Variants in MTMR8 observed in about 807,000 individuals in gnomAD.
The protein encoded by MTMR8 is phosphatidylinositol-3,5-bisphosphate 3-phosphatase MTMR8.
A neutral mutation model predicts 39.3 loss-of-function variants in MTMR8; 65 were observed. That is an observed-to-expected ratio of 1.65 (90% CI 1.35 to 2.03). MTMR8 has a LOEUF of 2.03. Among genes scored for constraint, MTMR8 ranks in the 30% most tolerant of loss-of-function variants. The probability of loss-of-function intolerance (pLI) is 0.00; values close to 1 mark genes in which losing one functional copy is unlikely to be tolerated. For missense variants in MTMR8, 777 were observed against 538.9 expected, an observed-to-expected ratio of 1.44 and a Z score of -4.37; for synonymous variants, 245 against 185.2, an observed-to-expected ratio of 1.32 and a Z score of -2.62.
chrX:64,283,544 C>A (rs1921040064), intron 12 of MTMR8, among the ~76,000 whole-genome samples: 1 of 112,257 alleles, frequency 8.9e-6, no homozygotes, highest in Non-Finnish European at 1.9e-5. Context: ...GGTCCCTGAT[C>A]CCAGAATAGC....
intron 1 of MTMR8, among the ~76,000 whole-genome samples, chrX:64,386,860 A>G (rs1205866047): frequency 4.6e-5 from 5 of 109,197 alleles, no homozygotes; most frequent in Admixed American, 9.7e-5. Context: ...CCTGGGCAAC[A>G]TAGTGAGACC....
chrX:64,326,169 G>T (rs73522800), intron 12 of MTMR8, among the ~76,000 whole-genome samples: 161 of 111,511 alleles, frequency 1.4e-3, no homozygotes, highest in African/African-American at 4.9e-3. Context: ...TCATCTTTGT[G>T]TTGAGTAGGC....
chrX:64,359,219 G>A (rs1251784811), intron 2 of MTMR8, among the ~76,000 whole-genome samples, 186 bp downstream of exon 2: 2 of 110,532 alleles, frequency 1.8e-5, no homozygotes, highest in East Asian at 5.7e-4. Context: ...GATGACCAGA[G>A]CCAATAACTT....
chrX:64,326,888 A>G (rs937247601), intron 12 of MTMR8, among the ~76,000 whole-genome samples: 5 of 111,291 alleles, frequency 4.5e-5, no homozygotes, highest in Admixed American at 1.9e-4. Flanking sequence ...AGCCCAGAAA[A>G]AAAATGCATA....
intron 12 of MTMR8, among the ~76,000 whole-genome samples, chrX:64,328,227 T>TA: frequency 9.0e-6 from 1 of 111,651 alleles, no homozygotes; most frequent in South Asian, 3.7e-4. Flanking sequence ...GGCAAGGAAA[T>TA]AAAAGACATC....
intron 1 of MTMR8, among the ~76,000 whole-genome samples, chrX:64,382,779 A>AT (rs1924462436): frequency 9.0e-6 from 1 of 111,422 alleles, no homozygotes; most frequent in African/African-American, 3.3e-5. Flanking sequence ...ATACAGAATT[A>AT]TTTTTAAAAA....
chrX:64,340,464 A>G (rs1923186191), intron 8 of MTMR8, among the ~76,000 whole-genome samples: 1 of 111,022 alleles, frequency 9.0e-6, no homozygotes, highest in African/African-American at 3.3e-5. Context: ...GCTAAATGAA[A>G]TAGATCTGAA....
chrX:64,286,725 C>A (rs1015185826), intron 12 of MTMR8, among the ~76,000 whole-genome samples: 1 of 111,641 alleles, frequency 9.0e-6, no homozygotes, highest in Admixed American at 9.6e-5. Flanking sequence ...ATGATTATCT[C>A]AATAGATGCA....
At chrX:64,347,800 G>T (rs954810294) in intron 6 of MTMR8, among the ~76,000 whole-genome samples, 1 of 112,367 alleles carries the variant, frequency 8.9e-6, no homozygotes, top group Non-Finnish European at 1.9e-5. Flanking sequence ...GACACAATGA[G>T]TTCTTCTACA....
intron 8 of MTMR8, among the ~76,000 whole-genome samples, chrX:64,339,664 G>A (rs1053074037): frequency 6.3e-5 from 7 of 111,092 alleles, no homozygotes; most frequent in Admixed American, 5.7e-4. Context: ...GAAAAGAATA[G>A]GTTGAAAATG....
chrX:64,268,968 G>C lies in MTMR8; in HGVS notation c.1684C>G (p.Leu562Val), dbSNP rs1931695052. The C allele has an allele frequency of 8.3e-7, 1 of 1,209,905 alleles. No individual in the cohort carries two copies. The change falls in exon 14 of 14, where the codon CTG becomes GTG. Residue 562 changes from leucine to valine, a missense_variant. Physicochemically the swap from Leu to Val is conservative, Grantham distance 32. Transcript: ENST00000374852. ...SQLGNILSQH[L>V]GSPLTNPLGF... ...AGAGGATTGGTCAAAGGACTTCCCA[G>C]ATGCTGGGATAATATGTTTCCTAAT...
At chrX:64,269,394 A>T (rs1931705872) in intron 13 of MTMR8, among the ~76,000 whole-genome samples, 1 of 111,647 alleles carries the variant, frequency 9.0e-6, no homozygotes, top group Non-Finnish European at 1.9e-5. Context: ...CCTTATAATA[A>T]ACCTATTAGT....
chrX:64,350,121 TATAAC>T, intron 4 of MTMR8, 51 bp from the exon 5 acceptor site: 2 of 733,352 alleles, frequency 2.7e-6, no homozygotes, highest in Non-Finnish European at 1.7e-6. Flanking sequence ...TACATTTATA[TATAAC>T]TGTCTCTTTG....
intron 12 of MTMR8, among the ~76,000 whole-genome samples, chrX:64,294,598 G>A (rs1411110256): frequency 9.0e-6 from 1 of 111,671 alleles, no homozygotes; most frequent in Non-Finnish European, 1.9e-5. Flanking sequence ...TAAATTGGGT[G>A]GCTTATAAAC....
At chrX:64,379,939 T>A (rs138982804) in intron 1 of MTMR8, among the ~76,000 whole-genome samples, 125 of 111,449 alleles carry the variant, frequency 1.1e-3, no homozygotes, top group African/African-American at 4.0e-3. Context: ...AAAATCAGTG[T>A]CATACCACTA....
intron 1 of MTMR8, among the ~76,000 whole-genome samples, chrX:64,383,100 T>C (rs1377433328): frequency 1.8e-5 from 2 of 111,699 alleles, no homozygotes; most frequent in East Asian, 5.6e-4. Context: ...CATATTTCAT[T>C]TGAGTCCTTA....
rs562085368 is a variant in MTMR8, at chrX:64,295,266, T to C, written c.1482-24193A>G. On this transcript the variant is annotated intron_variant, in intron 12 of 13. Transcript: ENST00000374852. ...CACACACACACACACACACACAAAA[T>C]TGTTTCCTAGATTCTCTTGAGGTAA... Among the ~76,000 whole-genome samples, 36 of 110,486 alleles carry C rather than the reference T, an allele frequency of 3.3e-4. No homozygotes were observed. The South Asian group carries it at 0.011, about 33-fold the overall frequency.
intron 12 of MTMR8, among the ~76,000 whole-genome samples, chrX:64,297,925 T>C (rs1337728573): frequency 2.0e-5 from 2 of 98,984 alleles, no homozygotes; most frequent in Non-Finnish European, 4.1e-5. Flanking sequence ...GGCTCTGTTC[T>C]GTTCCATTGA....
At chrX:64,380,135 T>A (rs1271726144) in intron 1 of MTMR8, among the ~76,000 whole-genome samples, 1 of 112,324 alleles carries the variant, frequency 8.9e-6, no homozygotes, top group Admixed American at 9.4e-5. Context: ...CTGACTTCAC[T>A]GCACTGTGCC....
Sources: gnomAD v4.1 joint callset for allele counts (sites outside exome capture counted in the v4.1 genomes callset) on GRCh38, gnomAD v4.1.1 for gene constraint, MANE v1.5 for transcripts, NCBI Gene and HGNC (gene_info 2026-07-23, HGNC 2026-07-21) for gene names.